NFAT5: variants seen among roughly 807,000 people sequenced by gnomAD.
The protein encoded by NFAT5 is nuclear factor of activated T cells 5, also known as nuclear factor of activated T-cells 5.
Under a neutral mutation model 166.5 loss-of-function variants are expected in NFAT5, and 31 were observed. That is an observed-to-expected ratio of 0.19 (90% CI 0.14 to 0.25). NFAT5 has a LOEUF of 0.25. NFAT5 is among the 10% of genes least tolerant of loss of function. The pLI is 1.00. For synonymous variants in NFAT5, 612 were observed against 639.7 expected, an observed-to-expected ratio of 0.96 and a Z score of 0.65; for missense variants, 1,449 against 1,821.8, an observed-to-expected ratio of 0.80 and a Z score of 3.72.
chr16:69,655,741 A>G lies in NFAT5; in HGVS notation c.1138A>G (p.Ile380Val), dbSNP rs1477242152. 3 of 1,613,886 alleles carry G rather than the reference A, an allele frequency of 1.9e-6. No homozygotes were observed. The highest frequency in any genetic ancestry group is 1.3e-5 in the African/African-American group (1 of 74,926). The change falls in exon 6 of 15, where the codon ATT (isoleucine) becomes GTT (valine). Residue 380 changes from isoleucine (I) to valine (V), a missense_variant. Ile to Val is a conservative substitution (Grantham distance 29). Around this residue, in one of 7 missense-constraint regions of NFAT5, gnomAD observed 245 missense variants for 366.6 expected, o/e 0.67. Coordinates refer to ENST00000349945, the MANE Select transcript of NFAT5 (RefSeq NM_138713.4). The stretch of plus-strand genomic sequence containing the variant: ...TACAACTCCTTGCAAAGAAGTGGAC[A>G]TTGAAGGCACTACTGTTATAGAAGT... ...RNTTPCKEVD[I>V]EGTTVIEVGL...
At chr16:69,659,139 T>G (rs1305905659) in intron 6 of NFAT5, among the ~76,000 whole-genome samples, 1 of 151,748 alleles carries the variant, frequency 6.6e-6, no homozygotes, top group East Asian at 1.9e-4. Context: ...TTTTTTTTTT[T>G]TTTTTAAAAA....
intron 3 of NFAT5, among the ~76,000 whole-genome samples, chr16:69,639,744 C>T (rs2035121377): frequency 6.6e-6 from 1 of 152,048 alleles, no homozygotes; most frequent in South Asian, 2.1e-4. Context: ...AGTGTAAGTG[C>T]ATTGCTCAGA....
chr16:69,660,821 C>CT (rs2036093936), intron 7 of NFAT5, among the ~76,000 whole-genome samples: 7 of 140,504 alleles, frequency 5.0e-5, no homozygotes, highest in African/African-American at 1.8e-4. Context: ...TTTTTTTTTT[C>CT]TTTTTTGAGA....
intron 3 of NFAT5, among the ~76,000 whole-genome samples, chr16:69,641,430 T>C (rs1464750478): frequency 6.6e-6 from 1 of 152,128 alleles, no homozygotes; most frequent in East Asian, 1.9e-4. Flanking sequence ...AAACTAGCTT[T>C]TTTAGAAAAC....
chr16:69,585,461 T>A (rs2031994336), intron 2 of NFAT5, among the ~76,000 whole-genome samples: 1 of 152,166 alleles, frequency 6.6e-6, no homozygotes, highest in East Asian at 1.9e-4. Flanking sequence ...TCCAGCAATT[T>A]CACTTATAGG....
At chr16:69,616,238 T>C (rs2033938456) in intron 2 of NFAT5, among the ~76,000 whole-genome samples, 1 of 151,886 alleles carries the variant, frequency 6.6e-6, no homozygotes, top group Admixed American at 6.6e-5. Context: ...TCACCCTGCT[T>C]GGATTGTAAC....
At chr16:69,679,264 C>G (rs532073429) in intron 10 of NFAT5, among the ~76,000 whole-genome samples, 1 of 152,106 alleles carries the variant, frequency 6.6e-6, no homozygotes, top group East Asian at 1.9e-4. Flanking sequence ...CTGAATTTTG[C>G]AACATTATTT....
chr16:69,635,968 G>A (rs2034947885), intron 3 of NFAT5, among the ~76,000 whole-genome samples: 1 of 152,046 alleles, frequency 6.6e-6, no homozygotes, highest in African/African-American at 2.4e-5. Context: ...CCAGTCCAAA[G>A]TCTCATCTGA....
At chr16:69,592,989 T>G (rs1016025737) in intron 2 of NFAT5, among the ~76,000 whole-genome samples, 43 of 152,290 alleles carry the variant, frequency 2.8e-4, no homozygotes, top group African/African-American at 8.7e-4. Flanking sequence ...TTTATTTTTT[T>G]TGTGTGAGGA....
rs1405869935 is a variant in NFAT5, at chr16:69,568,429, T to C, written c.74-66T>C. ...ACATTGCAGTTATATAAGAGATGTA[T>C]GCTATCCTTGGCATTTTTTTCCTCA... On this transcript the variant is annotated intron_variant, in intron 1 of 14. Transcript: ENST00000349945. 13 of 1,186,346 alleles carry C rather than the reference T, an allele frequency of 1.1e-5. No homozygotes were observed. The East Asian group carries it at 2.7e-4, about 25-fold the overall frequency. The allele number at this position is 1,186,346 out of a possible 1,614,324, so 73.5% of individuals were successfully genotyped here.
chr16:69,695,145 A>G lies in NFAT5; in HGVS notation c.4424A>G (p.Gln1475Arg). The change falls in exon 14 of 15, where the codon CAG becomes CGG. Residue 1475 changes from glutamine (Q) to arginine (R), a missense_variant. This residue lies in a region of NFAT5 where 891 missense variants were observed against 993.0 expected (regional missense o/e 0.90). Transcript: ENST00000349945. ...TTCAATGTCTCTGCAGACTGTAGTC[A>G]GCTTTTAACCTCTGGACCAGCTACA... is the stretch of plus-strand genomic sequence containing the variant. Reference protein sequence around the residue: ...FLFGIQNNCSQLLTSGPATLP... With the variant: ...FLFGIQNNCSRLLTSGPATLP... 6.2e-7 allele frequency: 1 copy of G among 1,613,868 alleles called. No homozygotes were observed. The highest frequency in any genetic ancestry group is 8.5e-7 in the Non-Finnish European group (1 of 1,179,728).
At chr16:69,695,894 C>G (rs1011505807) in intron 14 of NFAT5, among the ~76,000 whole-genome samples, 1 of 152,136 alleles carries the variant, frequency 6.6e-6, no homozygotes, top group South Asian at 2.1e-4. Flanking sequence ...AAGATCCTTC[C>G]AGCTCCCTTC....
intron 2 of NFAT5, among the ~76,000 whole-genome samples, chr16:69,601,419 G>C (rs746113409): frequency 1.3e-5 from 2 of 152,184 alleles, no homozygotes; most frequent in Non-Finnish European, 2.9e-5. Flanking sequence ...CCAGGCTGGA[G>C]TGCAGTGGCG....
At chr16:69,644,801 C>T (rs1326548567) in intron 3 of NFAT5, 3 of 452,996 alleles carry the variant, frequency 6.6e-6, no homozygotes, top group Non-Finnish European at 1.3e-5. Flanking sequence ...GAACAGGGAT[C>T]CCTGAGATGT....
At chr16:69,567,449 T>C (rs1377506721) in intron 1 of NFAT5, among the ~76,000 whole-genome samples, 1 of 152,184 alleles carries the variant, frequency 6.6e-6, no homozygotes, top group Non-Finnish European at 1.5e-5. Flanking sequence ...AACTGGGTTG[T>C]TAACTATTCA....
chr16:69,625,771 C>G (rs992377075), intron 2 of NFAT5, among the ~76,000 whole-genome samples: 1 of 151,938 alleles, frequency 6.6e-6, no homozygotes, highest in Non-Finnish European at 1.5e-5. Flanking sequence ...AAGGAAGATA[C>G]TGGACCATCT....
intron 2 of NFAT5, among the ~76,000 whole-genome samples, chr16:69,611,126 T>C (rs2033687076): frequency 6.6e-6 from 1 of 152,190 alleles, no homozygotes; most frequent in African/African-American, 2.4e-5. Context: ...ATATGTAAAA[T>C]AATATAAATT....
At chr16:69,653,819 G>A (rs1296830919) in intron 5 of NFAT5, among the ~76,000 whole-genome samples, 1 of 152,030 alleles carries the variant, frequency 6.6e-6, no homozygotes, top group Non-Finnish European at 1.5e-5. Flanking sequence ...TGATCCTCCC[G>A]CCTTGGAGGA....
chr16:69,624,637 A>G (rs961788585), intron 2 of NFAT5, among the ~76,000 whole-genome samples: 3 of 152,306 alleles, frequency 2.0e-5, no homozygotes, highest in African/African-American at 7.2e-5. Flanking sequence ...CATCAAAGTT[A>G]GGATATATAC....
Sources: allele counts gnomAD v4.1 joint callset (sites outside exome capture counted in the v4.1 genomes callset), GRCh38; gene constraint gnomAD v4.1.1; regional missense constraint gnomAD v4.1.1; transcripts MANE v1.5; gene names NCBI Gene and HGNC (gene_info 2026-07-23, HGNC 2026-07-21).